The following KMT2B variants were observed in gnomAD, a reference collection of about 807,000 sequenced individuals.
KMT2B encodes the protein lysine methyltransferase 2B.
In KMT2B, 22 loss-of-function variants were observed where a neutral mutation model predicts 255.3. That is an observed-to-expected ratio of 0.09 (90% CI 0.06 to 0.12). KMT2B has a LOEUF of 0.12. Among genes scored for constraint, KMT2B ranks in the 10% least tolerant of loss-of-function variants. KMT2B has a pLI of 1.00. For synonymous variants in KMT2B, 1,730 were observed against 1,498.1 expected, an observed-to-expected ratio of 1.15 and a Z score of -3.57; for missense variants, 3,149 against 3,737.0, an observed-to-expected ratio of 0.84 and a Z score of 4.10.
In KMT2B at chr19:35,723,771, A is replaced by C; in HGVS notation, c.3098A>C (p.Asp1033Ala). 2 of 1,555,398 alleles carry C rather than the reference A, an allele frequency of 1.3e-6. No homozygotes were observed. Among genetic ancestry groups the C allele is most frequent in the Non-Finnish European group, 1.7e-6 (2 of 1,150,474 alleles). Residue 1033 changes from aspartate (D) to alanine (A), a missense_variant, in exon 8 of 37, where the codon GAT becomes GCT. By Grantham distance (126) the Asp-to-Ala change is moderately radical. Around this residue, in one of 18 missense-constraint regions of KMT2B, gnomAD observed 50 missense variants for 71.9 expected, o/e 0.70. Transcript: ENST00000420124. The surrounding 1 kb of genome is among the most constrained non-coding windows in gnomAD (Gnocchi z 7.5). ...AAGACGCTGTTGCCCTGGGATTCCG[A>C]TGAATCTCCTGAGGCCTCCCCTGGT... ...IVKTLLPWDSDESPEASPGPP... is the reference protein window; with the variant it reads ...IVKTLLPWDSAESPEASPGPP...
chr19:35,718,262 C>T lies in KMT2B; in HGVS notation c.244C>T (p.Arg82Cys). Residue 82 changes from arginine to cysteine, a missense_variant, in exon 1 of 37, where the codon CGC (arginine) becomes TGC (cysteine). Transcript: ENST00000420124. The surrounding 1 kb of genome is among the most constrained non-coding windows in gnomAD (Gnocchi z 5.0). Reference sequence around the variant, plus strand: ...CCGCCGGGGCCTGCGCCGGCTCCGCCGCCTGTGGGCCGGCCCGCGGGTCCA... The same window carrying T: ...CCGCCGGGGCCTGCGCCGGCTCCGCTGCCTGTGGGCCGGCCCGCGGGTCCA... ...GLRRGLRRLR[R>C]LWAGPRVQRG... 1 of 1,211,604 alleles carries T rather than the reference C, an allele frequency of 8.3e-7. No individual in the cohort carries two copies. Among genetic ancestry groups the T allele is most frequent in the Non-Finnish European group, 1.0e-6 (1 of 967,100 alleles). The allele number at this position is 1,211,604 out of a possible 1,614,324, so 75.1% of individuals were successfully genotyped here.
intron 22 of KMT2B, 57 bp downstream of exon 22, chr19:35,729,353 C>A: frequency 2.6e-6 from 4 of 1,540,506 alleles, no homozygotes; most frequent in Admixed American, 3.9e-5. Flanking sequence ...GAGGCCTCCT[C>A]CGGTGCAAAC....
chr19:35,722,858 T>C (rs1969276741), intron 5 of KMT2B, 137 bp from the exon 6 acceptor site: 7 of 1,414,484 alleles, frequency 4.9e-6, no homozygotes, highest in African/African-American at 1.4e-5. Context: ...TGCTAGGTCC[T>C]AGAGCAACTT....
At position 35,724,607 on chromosome 19, in the gene KMT2B, T is replaced by G. The variant is rs977657234; in HGVS notation, c.3335-30T>G. On this transcript the variant is annotated intron_variant, in intron 8 of 36. Transcript: ENST00000420124. The stretch of plus-strand genomic sequence containing the variant: ...GAAGAAGAGGGGCGTGGAAGGGGAG[T>G]GACCTCACTGCTCATTGTGTCCTGC... 4.5e-6 allele frequency: 7 copies of G among 1,547,762 alleles called. No homozygotes were observed. In the Admixed American group the frequency reaches 1.1e-4, roughly 25 times the overall value.
At position 35,733,533 on chromosome 19, in the gene KMT2B, AGAG is replaced by A; in HGVS notation, c.6959+26_6959+28del. ...GGTGAGTGCGGGTGCTGAGGCTGGCAGAGCAGGCAAGGGGGCAGATGGGCGGGA... is the reference window on the plus strand; with the variant it reads ...GGTGAGTGCGGGTGCTGAGGCTGGCACAGGCAAGGGGGCAGATGGGCGGGA... On this transcript the variant is annotated intron_variant, in intron 28 of 36. Coordinates refer to ENST00000420124, the MANE Select transcript of KMT2B (RefSeq NM_014727.3). The surrounding 1 kb of genome is among the most constrained non-coding windows in gnomAD (Gnocchi z 4.3). The A allele has an allele frequency of 6.4e-7, 1 of 1,553,904 alleles. No individual in the cohort carries two copies. Among genetic ancestry groups the A allele is most frequent in the Middle Eastern group, 1.7e-4 (1 of 5,964 alleles).
In KMT2B at chr19:35,722,467, C is replaced by T; in HGVS notation, c.2566C>T (p.Pro856Ser). The T allele has an allele frequency of 6.2e-6, 10 of 1,607,588 alleles. No individual in the cohort carries two copies. The highest frequency in any genetic ancestry group is 1.1e-5 in the South Asian group (1 of 90,994). The stretch of plus-strand genomic sequence containing the variant: ...GTCGGTGGAAGCTAAGAGAGAGCGG[C>T]CCTCAGTATGCATCGGGAGGAGGGC... Reference protein sequence around the residue: ...DESVEAKRERPSGPESPVQGP... With the variant: ...DESVEAKRERSSGPESPVQGP... The change falls in exon 4 of 37, where the codon CCC (proline) becomes TCC (serine). Residue 856 changes from proline (P) to serine (S), a missense_variant. Transcript: ENST00000420124.
rs371324331 is a variant in KMT2B at position 35,727,519 on chromosome 19, G to T, written c.4199G>T (p.Arg1400Leu). 1 of 1,610,344 alleles carries T rather than the reference G, an allele frequency of 6.2e-7. No individual in the cohort carries two copies. Residue 1400 changes from arginine to leucine, a missense_variant, in exon 16 of 37, where the codon CGC (arginine) becomes CTC (leucine). Coordinates refer to ENST00000420124, the MANE Select transcript of KMT2B (RefSeq NM_014727.3). This position sits in a 1 kb window ranked among gnomAD's most constrained non-coding sequence, Gnocchi z 4.2. ...CCGTGTGCTGGGGCAGCGCAGCCCCGCTGGCGAGAGGCCCTGAGCGGGGCC... is the reference window on the plus strand; with the variant it reads ...CCGTGTGCTGGGGCAGCGCAGCCCCTCTGGCGAGAGGCCCTGAGCGGGGCC... ...CGPCAGAAQP[R>L]WREALSGALQ... is the part of the protein sequence containing the mutation.
In KMT2B at chr19:35,732,235, C is replaced by T. The variant is rs1442405791; in HGVS notation, c.5686C>T (p.His1896Tyr). The T allele has an allele frequency of 6.2e-7, 1 of 1,601,574 alleles. No homozygotes were observed. Among genetic ancestry groups the T allele is most frequent in the Non-Finnish European group, 8.5e-7 (1 of 1,172,516 alleles). The part of the protein sequence containing the change: ...PSPGSPSSLT[H>Y]HIPTVGDPDF... Reference sequence around the variant, plus strand: ...CACAGGAAGTCCATCTTCACTGACCCACCACATCCCCACAGTGGGAGACCC... The same window carrying T: ...CACAGGAAGTCCATCTTCACTGACCTACCACATCCCCACAGTGGGAGACCC... Residue 1896 changes from histidine (H) to tyrosine (Y), a missense_variant, in exon 28 of 37, where the codon CAC becomes TAC. His to Tyr is a moderately conservative substitution (Grantham distance 83, BLOSUM62 2). Around this residue, in one of 18 missense-constraint regions of KMT2B, gnomAD observed 897 missense variants for 825.3 expected, o/e 1.09. Coordinates refer to ENST00000420124, the MANE Select transcript of KMT2B (RefSeq NM_014727.3).
intron 22 of KMT2B, 142 bp downstream of exon 22, chr19:35,729,438 G>C: frequency 8.7e-7 from 1 of 1,144,604 alleles, no homozygotes; most frequent in Non-Finnish European, 1.2e-6. Context: ...CTGGGACGTT[G>C]GTGCTGATGG....
At chr19:35,729,576 C>T (rs1273237765) in intron 22 of KMT2B, among the ~76,000 whole-genome samples, 1 of 152,142 alleles carries the variant, frequency 6.6e-6, no homozygotes, top group African/African-American at 2.4e-5. Flanking sequence ...GTTGAGCTCT[C>T]ACTACATCCC....
chr19:35,724,069 G>T, intron 8 of KMT2B, 62 bp downstream of exon 8: 5 of 1,460,400 alleles, frequency 3.4e-6, no homozygotes, highest in Non-Finnish European at 4.6e-6. Flanking sequence ...TTTTGTGTAG[G>T]AGGGACAAGG....
Position 35,720,540 on chromosome 19 carries a change from A to C in KMT2B, c.1193A>C (p.Glu398Ala), listed in dbSNP as rs1354060188. The C allele has an allele frequency of 6.5e-7, 1 of 1,548,412 alleles. No homozygotes were observed. Among genetic ancestry groups the C allele is most frequent in the Admixed American group, 2.0e-5 (1 of 50,580 alleles). ...EEMMPAAEKE[E>A]AKLPPPPLTP... The stretch of plus-strand genomic sequence containing the variant: ...ATGATGCCAGCTGCGGAAAAGGAAG[A>C]GGCAAAGCTGCCACCACCGCCTCTG... The change falls in exon 3 of 37, where the codon GAG becomes GCG. Residue 398 changes from glutamate to alanine, a missense_variant. By Grantham distance (107) the Glu-to-Ala change is moderately radical (BLOSUM62 -1). Around this residue, in one of 18 missense-constraint regions of KMT2B, gnomAD observed 1,188 missense variants for 1,106.4 expected, o/e 1.07. Coordinates refer to ENST00000420124, the MANE Select transcript of KMT2B (RefSeq NM_014727.3).
intron 26 of KMT2B, among the ~76,000 whole-genome samples, chr19:35,731,705 C>G (rs1001976793): frequency 6.6e-6 from 1 of 152,142 alleles, no homozygotes; most frequent in African/African-American, 2.4e-5. Flanking sequence ...TGGGGAGAGG[C>G]CCTGAAGGCC....
In KMT2B at chr19:35,737,322, T is replaced by G; in HGVS notation, c.7550+59T>G. On this transcript the variant is annotated intron_variant, in intron 33 of 36. Transcript: ENST00000420124. The surrounding 1 kb of genome is among the most constrained non-coding windows in gnomAD (Gnocchi z 5.3). ...GCGCCCCTATGAGAGCTCTTGAGGG[T>G]GGGAGTTAACTGTAGAGGTTGGAAA... The G allele has an allele frequency of 7.0e-7, 1 of 1,434,026 alleles. No individual in the cohort carries two copies. Among genetic ancestry groups the G allele is most frequent in the Non-Finnish European group, 9.2e-7 (1 of 1,090,452 alleles). 88.8% of individuals were successfully genotyped at this position (1,434,026 alleles called of 1,614,324 possible).
chr19:35,737,071 A>AACATCTCCGG lies in KMT2B; in HGVS notation c.7373-7_7373-6insGGACATCTCC, dbSNP rs1969947638. On this transcript the variant is annotated splice_polypyrimidine_tract_variant and intron_variant, in intron 32 of 36. Coordinates refer to ENST00000420124, the MANE Select transcript of KMT2B (RefSeq NM_014727.3). The surrounding 1 kb of genome is among the most constrained non-coding windows in gnomAD (Gnocchi z 5.3). ...CCCTCCACATGACAGGTGTGTCCTC[A>AACATCTCCGG]ACATCTCCCCTCAGGAATGAGTGGG... 4 of 1,610,578 alleles carry AACATCTCCGG rather than the reference A, an allele frequency of 2.5e-6. No individual in the cohort carries two copies.
rs765448731 is a variant in KMT2B at position 35,723,824 on chromosome 19, G to A, written c.3151G>A (p.Ala1051Thr). ...GPPGPRRGAG[A>T]GGPREEVVAH... ...TCCAGGCCCACGCCGGGGGGCGGGA[G>A]CTGGGGGGCCCCGGGAGGAGGTGGT... Residue 1051 changes from alanine (A) to threonine (T), a missense_variant, in exon 8 of 37, where the codon GCT becomes ACT. This residue lies in a region of KMT2B where 50 missense variants were observed against 71.9 expected (regional missense o/e 0.70). Coordinates refer to ENST00000420124, the MANE Select transcript of KMT2B (RefSeq NM_014727.3). The surrounding 1 kb of genome is among the most constrained non-coding windows in gnomAD (Gnocchi z 7.5). The A allele has an allele frequency of 1.3e-6, 2 of 1,595,900 alleles. No homozygotes were observed. The highest frequency in any genetic ancestry group is 2.3e-5 in the East Asian group (1 of 44,214).
chr19:35,719,881 C>T lies in KMT2B; in HGVS notation c.534C>T (p.Ala178=), dbSNP rs199974997. 7.4e-6 allele frequency: 12 copies of T among 1,613,400 alleles called. No homozygotes were observed. Among genetic ancestry groups the T allele is most frequent in the Middle Eastern group, 1.7e-4 (1 of 6,060 alleles). Residue 178 remains alanine (A), a synonymous_variant, in exon 3 of 37, where the codon GCC becomes GCT. Coordinates refer to ENST00000420124, the MANE Select transcript of KMT2B (RefSeq NM_014727.3). The part of the protein sequence containing the change: ...DVAPTPPKTP[A]RKRGEEGTER... Reference sequence around the variant, plus strand: ...CTCCTACCCCCCCAAAGACCCCTGCCCGGAAACGGGGTGAGGAAGGCACAG... The same window carrying T: ...CTCCTACCCCCCCAAAGACCCCTGCTCGGAAACGGGGTGAGGAAGGCACAG...
At position 35,721,098 on chromosome 19, in the gene KMT2B, C is replaced by G. The variant is rs909482859; in HGVS notation, c.1751C>G (p.Pro584Arg). 1 of 1,611,192 alleles carries G rather than the reference C, an allele frequency of 6.2e-7. No individual in the cohort carries two copies. The highest frequency in any genetic ancestry group is 1.3e-5 in the African/African-American group (1 of 74,688). ...GAGCCAGCACCAGTCCCCTCTCCAC[C>G]ACGTGCCCCAACTCCTCCATCTACC... ...PQEPAPVPSP[P>R]RAPTPPSTPV... The change falls in exon 3 of 37, where the codon CCA becomes CGA. Residue 584 changes from proline to arginine, a missense_variant. Physicochemically the swap from Pro to Arg is moderately radical, Grantham distance 103 (BLOSUM62 -2). Around this residue, in one of 18 missense-constraint regions of KMT2B, gnomAD observed 1,188 missense variants for 1,106.4 expected, o/e 1.07. Transcript: ENST00000420124.
chr19:35,719,670 G>A, intron 2 of KMT2B, 114 bp from the exon 3 acceptor site: 1 of 1,518,398 alleles, frequency 6.6e-7, no homozygotes, highest in Non-Finnish European at 8.9e-7. Flanking sequence ...GTCCAAGCTA[G>A]TCTGGGCAGC....
Sources: allele counts gnomAD v4.1 joint callset (sites outside exome capture counted in the v4.1 genomes callset), GRCh38; gene constraint gnomAD v4.1.1; regional missense constraint gnomAD v4.1.1; non-coding constraint Gnocchi (gnomAD v3.1); transcripts MANE v1.5; gene names NCBI Gene and HGNC (gene_info 2026-07-23, HGNC 2026-07-21).